ADAMTS4: variants seen among roughly 807,000 people sequenced by gnomAD.
The protein encoded by ADAMTS4 is ADAM metallopeptidase with thrombospondin type 1 motif 4, also known as A disintegrin and metalloproteinase with thrombospondin motifs 4.
In ADAMTS4, 38 loss-of-function variants were observed where a neutral mutation model predicts 66.7. That is an observed-to-expected ratio of 0.57 (90% CI 0.44 to 0.75). ADAMTS4 has a LOEUF of 0.75. ADAMTS4 is among the 30% of genes least tolerant of loss of function. The pLI, the probability that ADAMTS4 is intolerant of heterozygous loss-of-function variation, is 0.00. For missense variants in ADAMTS4, 1,014 were observed against 1,116.7 expected (o/e 0.91, Z 1.31); for synonymous variants, 418 against 461.5 (o/e 0.91, Z 1.21).
chr1:161,193,214 C>A lies in ADAMTS4; in HGVS notation c.1910G>T (p.Arg637Leu). Reference protein sequence around the residue: ...ALGYYYVLEPRVVDGTPCSPD... With the variant: ...ALGYYYVLEPLVVDGTPCSPD... ...GCCTGGGGGTGTCCTGACCCTCACC[C>A]GTGGCTCCAGCACATAGTAGTAGCC... is the stretch of plus-strand genomic sequence containing the variant. The change falls in exon 7 of 9, where the codon CGG becomes CTG. Residue 637 changes from arginine to leucine, a missense_variant and splice_region_variant. Arg to Leu is a moderately radical substitution (Grantham distance 102). Transcript: ENST00000367996. This position sits in a 1 kb window ranked among gnomAD's most constrained non-coding sequence, Gnocchi z 4.4. The A allele has an allele frequency of 6.2e-7, 1 of 1,611,702 alleles. No individual in the cohort carries two copies. The highest frequency in any genetic ancestry group is 8.5e-7 in the Non-Finnish European group (1 of 1,178,744).
Position 161,191,280 on chromosome 1 carries a change from G to C in ADAMTS4, c.2372C>G (p.Pro791Arg). Residue 791 changes from proline to arginine, a missense_variant, in exon 9 of 9, where the codon CCC (proline) becomes CGC (arginine). Physicochemically the swap from Pro to Arg is moderately radical, Grantham distance 103. Transcript: ENST00000367996. ...GCTGTATCGGAGGCGTGTGTCCTGGGGGTTGCCAGCCACTAGGACTTGCAG... is the reference window on the plus strand; with the variant it reads ...GCTGTATCGGAGGCGTGTGTCCTGGCGGTTGCCAGCCACTAGGACTTGCAG... ...LTLQVLVAGN[P>R]QDTRLRYSFF... is the part of the protein sequence containing the mutation. 6.2e-7 allele frequency: 1 copy of C among 1,613,946 alleles called. No individual in the cohort carries two copies. Among genetic ancestry groups the C allele is most frequent in the Non-Finnish European group, 8.5e-7 (1 of 1,180,034 alleles).
chr1:161,184,710 G>C lies in ADAMTS4; in HGVS notation c.*6428C>G, dbSNP rs1664505284. The C allele has an allele frequency of 6.6e-6, 1 of 151,994 alleles. No homozygotes were observed. The allele number at this position is 151,994 out of a possible 1,614,324, so 9.4% of individuals were successfully genotyped here. On this transcript the variant is annotated 3_prime_UTR_variant, in exon 9 of 9. Coordinates refer to ENST00000367996, the MANE Select transcript of ADAMTS4 (RefSeq NM_005099.6). ...ATTTTCCGCTCCCTACTACTTATTT[G>C]CATCTATATTATCAACAGAATGTGT...
At position 161,194,231 on chromosome 1, in the gene ADAMTS4, G is replaced by A. The variant is rs1370046387; in HGVS notation, c.1262-10C>T. 1.2e-6 allele frequency: 2 copies of A among 1,608,124 alleles called. No individual in the cohort carries two copies. Among genetic ancestry groups the A allele is most frequent in the Non-Finnish European group, 1.7e-6 (2 of 1,175,250 alleles). ...TCTAAGAGACAGTGCCCTGGGAAGG[G>A]GGTTGGGGCACAAAGTCAGCAACGG... On this transcript the variant is annotated splice_polypyrimidine_tract_variant and intron_variant, in intron 4 of 8. Coordinates refer to ENST00000367996, the MANE Select transcript of ADAMTS4 (RefSeq NM_005099.6). This position sits in a 1 kb window ranked among gnomAD's most constrained non-coding sequence, Gnocchi z 4.1.
At position 161,193,165 on chromosome 1, in the gene ADAMTS4, C is replaced by T. The variant is rs746704472; in HGVS notation, c.1911+48G>A. 1.2e-5 allele frequency: 18 copies of T among 1,563,034 alleles called. No individual in the cohort carries two copies. Among genetic ancestry groups the T allele is most frequent in the Non-Finnish European group, 1.6e-5 (18 of 1,149,994 alleles). ...TTATCAGAAAGCAGAGGGAGCACTG[C>T]GGGTGTGTGTGACCATAGACAGGGC... On this transcript the variant is annotated intron_variant, in intron 7 of 8. Transcript: ENST00000367996. The surrounding 1 kb of genome is among the most constrained non-coding windows in gnomAD (Gnocchi z 4.4).
chr1:161,186,241 C>A lies in ADAMTS4; in HGVS notation c.*4897G>T, dbSNP rs190799256. The stretch of plus-strand genomic sequence containing the variant: ...GCTCTTACAGGGAGATATGTGCCCC[C>A]CCACAATCCCATCCCTAGCAAGAAC... On this transcript the variant is annotated 3_prime_UTR_variant, in exon 9 of 9. Coordinates refer to ENST00000367996, the MANE Select transcript of ADAMTS4 (RefSeq NM_005099.6). 1.3e-5 allele frequency: 2 copies of A among 152,332 alleles called. No homozygotes were observed. Among genetic ancestry groups the A allele is most frequent in the African/African-American group, 4.8e-5 (2 of 41,554 alleles). 9.4% of individuals were successfully genotyped at this position (152,332 alleles called of 1,614,324 possible). A position where few individuals can be genotyped will look rare whatever the true frequency, so the allele number is the denominator to read the frequency against.
intron 8 of ADAMTS4, 64 bp from the exon 9 acceptor site, chr1:161,191,628 G>C: frequency 6.7e-7 from 1 of 1,492,612 alleles, no homozygotes; most frequent in Non-Finnish European, 9.1e-7. Context: ...TCTGAGCTGT[G>C]CTTATGTGAC....
rs1194141494 is a variant in ADAMTS4 at position 161,190,140 on chromosome 1, G to A, written c.*998C>T. The stretch of plus-strand genomic sequence containing the variant: ...GATGAAGGCGAGTGGATCACCTAAG[G>A]TCAGGAGTTCGAGACCAGCCTGGCC... On this transcript the variant is annotated 3_prime_UTR_variant, in exon 9 of 9. Coordinates refer to ENST00000367996, the MANE Select transcript of ADAMTS4 (RefSeq NM_005099.6). The A allele has an allele frequency of 6.6e-6, 1 of 151,760 alleles. No individual in the cohort carries two copies. Among genetic ancestry groups the A allele is most frequent in the Non-Finnish European group, 1.5e-5 (1 of 67,996 alleles). The allele number at this position is 151,760 out of a possible 1,614,324, so 9.4% of individuals were successfully genotyped here. A position where few individuals can be genotyped will look rare whatever the true frequency, so the allele number is the denominator to read the frequency against.
In ADAMTS4 at chr1:161,194,070, C is replaced by T. The variant is rs1295924745; in HGVS notation, c.1413G>A (p.Trp471Ter). ...PQLPPPCAAL[W>*]CSGHLNGHAM... ...CATGGCCATTGAGGTGGCCAGAGCA[C>T]CAGAGGGCAGCACAGGGCGGCGGCA... The change falls in exon 5 of 9, where the codon TGG (tryptophan) becomes TGA (stop). Residue 471 changes from tryptophan to a stop codon, truncating the protein, a stop_gained. Transcript: ENST00000367996. LOFTEE classifies it high-confidence loss of function. The surrounding 1 kb of genome is among the most constrained non-coding windows in gnomAD (Gnocchi z 4.1). The T allele has an allele frequency of 6.2e-7, 1 of 1,614,190 alleles. No homozygotes were observed.
At position 161,194,144 on chromosome 1, in the gene ADAMTS4, G is replaced by A. The variant is rs778329496; in HGVS notation, c.1339C>T (p.Arg447Cys). ...TFPGKDYDADRQCQLTFGPDS... is the reference protein window; with the variant it reads ...TFPGKDYDADCQCQLTFGPDS... ...GGCCCGAAGGTCAGCTGGCACTGGC[G>A]GTCAGCATCATAGTCCTTGCCAGGG... Residue 447 changes from arginine (R) to cysteine (C), a missense_variant, in exon 5 of 9, where the codon CGC becomes TGC. Coordinates refer to ENST00000367996, the MANE Select transcript of ADAMTS4 (RefSeq NM_005099.6). The surrounding 1 kb of genome is among the most constrained non-coding windows in gnomAD (Gnocchi z 4.1). The A allele has an allele frequency of 2.0e-5, 32 of 1,614,074 alleles. No individual in the cohort carries two copies. The highest frequency in any genetic ancestry group is 1.6e-4 in the Middle Eastern group (1 of 6,084).
chr1:161,193,653 G>A lies in ADAMTS4; in HGVS notation c.1722C>T (p.Cys574=). ...TRFRSCNTED[C]PTGSALTFRE... ...CCTACTCCTCACCTGAGCCAGTTGG[G>A]CAGTCCTCAGTGTTGCAGGAGCGGA... is the stretch of plus-strand genomic sequence containing the variant. Residue 574 remains cysteine, a synonymous_variant, in exon 6 of 9, where the codon TGC becomes TGT. Transcript: ENST00000367996. This position sits in a 1 kb window ranked among gnomAD's most constrained non-coding sequence, Gnocchi z 4.4. 2 of 1,611,518 alleles carry A rather than the reference G, an allele frequency of 1.2e-6. No homozygotes were observed. The highest frequency in any genetic ancestry group is 2.2e-5 in the South Asian group (2 of 90,740).
rs941137117 is a variant in ADAMTS4 at position 161,197,941 on chromosome 1, T to C, written c.633+54A>G. On this transcript the variant is annotated intron_variant, in intron 1 of 8. Coordinates refer to ENST00000367996, the MANE Select transcript of ADAMTS4 (RefSeq NM_005099.6). ...TGGAGAGAGGGTGAATAGGGGTCAG[T>C]AGGACAGACATGGCGGGAGGACACC... 13 of 1,516,768 alleles carry C rather than the reference T, an allele frequency of 8.6e-6. No homozygotes were observed. The African/African-American group carries it at 1.4e-4, about 16-fold the overall frequency. 94.0% of individuals were successfully genotyped at this position (1,516,768 alleles called of 1,614,324 possible).
In ADAMTS4 at chr1:161,197,933, G is replaced by A. The variant is rs747004727; in HGVS notation, c.633+62C>T. 3.8e-5 allele frequency: 57 copies of A among 1,511,230 alleles called. No homozygotes were observed. In the Middle Eastern group the frequency reaches 7.5e-4, roughly 20 times the overall value. 93.6% of individuals were successfully genotyped at this position (1,511,230 alleles called of 1,614,324 possible). A position where few individuals can be genotyped will look rare whatever the true frequency, so the allele number is the denominator to read the frequency against. The stretch of plus-strand genomic sequence containing the variant: ...TAAGTGGGTGGAGAGAGGGTGAATA[G>A]GGGTCAGTAGGACAGACATGGCGGG... On this transcript the variant is annotated intron_variant, in intron 1 of 8. Coordinates refer to ENST00000367996, the MANE Select transcript of ADAMTS4 (RefSeq NM_005099.6).
rs1664661017 is a variant in ADAMTS4, at chr1:161,191,068, A to C, written c.*70T>G. On this transcript the variant is annotated 3_prime_UTR_variant, in exon 9 of 9. Coordinates refer to ENST00000367996, the MANE Select transcript of ADAMTS4 (RefSeq NM_005099.6). Reference sequence around the variant, plus strand: ...CTGAGTCTTAGCATGAGGCAGCAACAGAAGCTCTCTCTTTCTCCCAGCTAA... The same window carrying C: ...CTGAGTCTTAGCATGAGGCAGCAACCGAAGCTCTCTCTTTCTCCCAGCTAA... The C allele has an allele frequency of 1.4e-6, 2 of 1,478,918 alleles. No homozygotes were observed. The highest frequency in any genetic ancestry group is 1.8e-6 in the Non-Finnish European group (2 of 1,111,226). The allele number at this position is 1,478,918 out of a possible 1,614,324, so 91.6% of individuals were successfully genotyped here. A position where few individuals can be genotyped will look rare whatever the true frequency, so the allele number is the denominator to read the frequency against.
intron 3 of ADAMTS4, 129 bp downstream of exon 3, chr1:161,196,042 G>A (rs181511244): frequency 4.3e-6 from 5 of 1,153,084 alleles, no homozygotes; most frequent in South Asian, 3.7e-5. Flanking sequence ...GGAGCAGAGA[G>A]GAGTAATAGC....
At chr1:161,195,807 C>A in intron 3 of ADAMTS4, 172 bp from the exon 4 acceptor site, 1 of 626,372 alleles carries the variant, frequency 1.6e-6, no homozygotes. Context: ...AGCCCCGTCT[C>A]TTTCTCTGTC....
rs756676311 is a variant in ADAMTS4, at chr1:161,198,404, G to A, written c.224C>T (p.Ser75Leu). 2.1e-5 allele frequency: 34 copies of A among 1,607,218 alleles called. No homozygotes were observed. The South Asian group carries it at 3.1e-4, about 15-fold the overall frequency. Reference sequence around the variant, plus strand: ...GCACAACAGCCTGGCAGGGGCGCCCGAGCCAGGCAGGACGCTGCCGTTGAG... The same window carrying A: ...GCACAACAGCCTGGCAGGGGCGCCCAAGCCAGGCAGGACGCTGCCGTTGAG... ...EKLNGSVLPG[S>L]GAPARLLCRL... Residue 75 changes from serine (S) to leucine (L), a missense_variant, in exon 1 of 9, where the codon TCG (serine) becomes TTG (leucine). Physicochemically the swap from Ser to Leu is moderately radical, Grantham distance 145. Coordinates refer to ENST00000367996, the MANE Select transcript of ADAMTS4 (RefSeq NM_005099.6). The surrounding 1 kb of genome is among the most constrained non-coding windows in gnomAD (Gnocchi z 4.7).
At position 161,188,910 on chromosome 1, in the gene ADAMTS4, T is replaced by TATATATATATATATATATATATA. The variant is rs1558071757; in HGVS notation, c.*2227_*2228insTATATATATATATATATATATAT. 3.6e-5 allele frequency: 2 copies of TATATATATATATATATATATATA among 54,866 alleles called. No homozygotes were observed. The highest frequency in any genetic ancestry group is 1.4e-3 in the South Asian group (2 of 1,454). The allele number at this position is 54,866 out of a possible 1,614,324, so 3.4% of individuals were successfully genotyped here. A position where few individuals can be genotyped will look rare whatever the true frequency, so the allele number is the denominator to read the frequency against. On this transcript the variant is annotated 3_prime_UTR_variant, in exon 9 of 9. Coordinates refer to ENST00000367996, the MANE Select transcript of ADAMTS4 (RefSeq NM_005099.6). ...TATATATATATATATATATATATAT[T>TATATATATATATATATATATATA]TTGTATTTTTAGTAGACACGGGGTT...
In ADAMTS4 at chr1:161,196,426, C is replaced by A; in HGVS notation, c.958-123G>T. ...AGCACTGTCAGGGCCTAGGTAGCCACACATGGCAGTGTGGCTGGGGCAAGG... is the reference window on the plus strand; with the variant it reads ...AGCACTGTCAGGGCCTAGGTAGCCAAACATGGCAGTGTGGCTGGGGCAAGG... On this transcript the variant is annotated intron_variant, in intron 2 of 8. Coordinates refer to ENST00000367996, the MANE Select transcript of ADAMTS4 (RefSeq NM_005099.6). The A allele has an allele frequency of 6.6e-6, 10 of 1,508,372 alleles. No individual in the cohort carries two copies. The East Asian group carries it at 2.0e-4, about 31-fold the overall frequency. 93.4% of individuals were successfully genotyped at this position (1,508,372 alleles called of 1,614,324 possible).
Position 161,198,198 on chromosome 1 carries a change from A to G in ADAMTS4, c.430T>C (p.Trp144Arg). Residue 144 changes from tryptophan to arginine, a missense_variant, in exon 1 of 9, where the codon TGG becomes CGG. Trp to Arg is a moderately radical substitution (Grantham distance 101). Transcript: ENST00000367996. This position sits in a 1 kb window ranked among gnomAD's most constrained non-coding sequence, Gnocchi z 4.7. ...GDPESVASLH[W>R]DGGALLGVLQ... Reference sequence around the variant, plus strand: ...ACGCCTAACAGGGCTCCCCCATCCCAGTGCAGAGATGCCACCGACTCCGGA... The same window carrying G: ...ACGCCTAACAGGGCTCCCCCATCCCGGTGCAGAGATGCCACCGACTCCGGA... The G allele has an allele frequency of 6.2e-7, 1 of 1,614,062 alleles. No individual in the cohort carries two copies. The highest frequency in any genetic ancestry group is 8.5e-7 in the Non-Finnish European group (1 of 1,179,954).
Sources: gnomAD v4.1 joint callset for allele counts on GRCh38, gnomAD v4.1.1 for gene constraint, Gnocchi (gnomAD v3.1) non-coding constraint, MANE v1.5 for transcripts, NCBI Gene and HGNC (gene_info 2026-07-23, HGNC 2026-07-21) for gene names.